TPPP3: variants seen among roughly 807,000 people sequenced by gnomAD.
TPPP3 encodes the protein tubulin polymerization promoting protein family member 3, also known as tubulin polymerization-promoting protein family member 3.
TPPP3 carries 7 observed loss-of-function variants against 13.1 expected under a neutral mutation model. The observed-to-expected ratio is 0.54, with a 90% CI of 0.30 to 1.01. The LOEUF (loss-of-function observed/expected upper bound fraction) is 1.01, where lower values mean the gene tolerates loss of function less well. Ranked by LOEUF, TPPP3 falls within the 50% of genes least tolerant of loss-of-function variation. TPPP3 has a pLI of 0.06. For missense variants in TPPP3, 185 were observed against 235.0 expected (o/e 0.79, Z 1.39); for synonymous variants, 87 against 93.7 (o/e 0.93, Z 0.41).
Position 67,389,953 on chromosome 16 carries a change from C to A in TPPP3, c.*221G>T. The A allele has an allele frequency of 1.7e-6, 1 of 581,092 alleles. No individual in the cohort carries two copies. The highest frequency in any genetic ancestry group is 3.0e-5 in the Admixed American group (1 of 33,316). The allele number at this position is 581,092 out of a possible 1,614,324, so 36.0% of individuals were successfully genotyped here. A position where few individuals can be genotyped will look rare whatever the true frequency, so the allele number is the denominator to read the frequency against. ...ATGAGGCTACAGGCACAGACTGTCC[C>A]CAGGTGGACAGAAGTTGGAGCAGGA... On this transcript the variant is annotated 3_prime_UTR_variant, in exon 4 of 4. Coordinates refer to ENST00000393957, the MANE Select transcript of TPPP3 (RefSeq NM_015964.4).
chr16:67,390,997 A>G lies in TPPP3; in HGVS notation c.115T>C (p.Cys39Arg). The G allele has an allele frequency of 6.2e-7, 1 of 1,614,236 alleles. No individual in the cohort carries two copies. The highest frequency in any genetic ancestry group is 2.2e-5 in the East Asian group (1 of 44,888). ...EMNGKNWAKL[C>R]KDCKVADGKS... ...CCGTCAGCCACCTTGCAGTCCTTGC[A>G]CAGCTTGGCCCAGTTCTTGCCATTC... The change falls in exon 2 of 4, where the codon TGC (cysteine) becomes CGC (arginine). Residue 39 changes from cysteine to arginine, a missense_variant. Cys to Arg is a radical substitution (Grantham distance 180, BLOSUM62 -3). Coordinates refer to ENST00000393957, the MANE Select transcript of TPPP3 (RefSeq NM_015964.4). This position sits in a 1 kb window ranked among gnomAD's most constrained non-coding sequence, Gnocchi z 6.4.
At position 67,393,043 on chromosome 16, in the gene TPPP3, C is replaced by T. The variant is rs183126293; in HGVS notation, c.-7+337G>A. Reference sequence around the variant, plus strand: ...CCTGCGTGCAGTGCTCACTCCTGTCCGTGGAAAGATGGATTCTTGGTCATC... The same window carrying T: ...CCTGCGTGCAGTGCTCACTCCTGTCTGTGGAAAGATGGATTCTTGGTCATC... On this transcript the variant is annotated intron_variant, in intron 1 of 3. Transcript: ENST00000393957. This position sits in a 1 kb window ranked among gnomAD's most constrained non-coding sequence, Gnocchi z 5.4. The T allele has an allele frequency of 3.0e-6, 3 of 985,314 alleles. No individual in the cohort carries two copies. The highest frequency in any genetic ancestry group is 1.1e-4 in the East Asian group (1 of 8,804). 61.0% of individuals were successfully genotyped at this position (985,314 alleles called of 1,614,324 possible). A position where few individuals can be genotyped will look rare whatever the true frequency, so the allele number is the denominator to read the frequency against.
In TPPP3 at chr16:67,390,692, C is replaced by T. The variant is rs1012625017; in HGVS notation, c.189-60G>A. On this transcript the variant is annotated intron_variant, in intron 2 of 3. Coordinates refer to ENST00000393957, the MANE Select transcript of TPPP3 (RefSeq NM_015964.4). This position sits in a 1 kb window ranked among gnomAD's most constrained non-coding sequence, Gnocchi z 6.4. ...TTCTTTTTTCTCCCCCAGGGGAAAG[C>T]TCAAACACATTTGCTGCCACCACAA... is the stretch of plus-strand genomic sequence containing the variant. 6.4e-6 allele frequency: 10 copies of T among 1,556,618 alleles called. No homozygotes were observed. The highest frequency in any genetic ancestry group is 8.6e-6 in the Non-Finnish European group (10 of 1,157,330).
Position 67,393,101 on chromosome 16 carries a change from C to T in TPPP3, c.-7+279G>A. The stretch of plus-strand genomic sequence containing the variant: ...GGTCAGGTGGCGCTGGGTTGCAGGC[C>T]GCAGCCCCATGGGTCTGCAGGCCAT... On this transcript the variant is annotated intron_variant, in intron 1 of 3. Transcript: ENST00000393957. The surrounding 1 kb of genome is among the most constrained non-coding windows in gnomAD (Gnocchi z 5.4). 1.1e-6 allele frequency: 1 copy of T among 912,690 alleles called. No homozygotes were observed. The highest frequency in any genetic ancestry group is 1.8e-5 in the African/African-American group (1 of 55,926). The allele number at this position is 912,690 out of a possible 1,614,324, so 56.5% of individuals were successfully genotyped here.
chr16:67,391,213 TGGGCA>T lies in TPPP3; in HGVS notation c.-6-101_-6-97del. 1.6e-6 allele frequency: 2 copies of T among 1,288,690 alleles called. No homozygotes were observed. The highest frequency in any genetic ancestry group is 2.4e-5 in the East Asian group (1 of 42,074). The allele number at this position is 1,288,690 out of a possible 1,614,324, so 79.8% of individuals were successfully genotyped here. Reference sequence around the variant, plus strand: ...GCCTCTACCTCAAACCTGCAAGACCTGGGCAGGTTCTGCTACAGAGTTGGTGCTGG... The same window carrying T: ...GCCTCTACCTCAAACCTGCAAGACCTGGTTCTGCTACAGAGTTGGTGCTGG... On this transcript the variant is annotated intron_variant, in intron 1 of 3. Transcript: ENST00000393957. This position sits in a 1 kb window ranked among gnomAD's most constrained non-coding sequence, Gnocchi z 6.3.
Position 67,391,136 on chromosome 16 carries a change from G to C in TPPP3, c.-6-19C>G. The C allele has an allele frequency of 6.2e-7, 1 of 1,610,526 alleles. No individual in the cohort carries two copies. The highest frequency in any genetic ancestry group is 2.2e-5 in the East Asian group (1 of 44,820). On this transcript the variant is annotated intron_variant, in intron 1 of 3. Coordinates refer to ENST00000393957, the MANE Select transcript of TPPP3 (RefSeq NM_015964.4). The surrounding 1 kb of genome is among the most constrained non-coding windows in gnomAD (Gnocchi z 6.3). ...TGCCACCCTATAGAGACCCACCTGG[G>C]TCATCTCCCAGCCAATCTGCCCTTC... is the stretch of plus-strand genomic sequence containing the variant.
Position 67,390,751 on chromosome 16 carries a change from G to T in TPPP3, c.189-119C>A. The T allele has an allele frequency of 6.7e-7, 1 of 1,483,698 alleles. No individual in the cohort carries two copies. The allele number at this position is 1,483,698 out of a possible 1,614,324, so 91.9% of individuals were successfully genotyped here. ...ATTGCGTTTCTTTCCCACGTTTGGG[G>T]AAGTCGCAGGGGTCAGCAACTCTGG... On this transcript the variant is annotated intron_variant, in intron 2 of 3. Coordinates refer to ENST00000393957, the MANE Select transcript of TPPP3 (RefSeq NM_015964.4). The surrounding 1 kb of genome is among the most constrained non-coding windows in gnomAD (Gnocchi z 6.4).
rs1368617690 is a variant in TPPP3 at position 67,390,867 on chromosome 16, GC to G, written c.188+56del. 1.4e-5 allele frequency: 22 copies of G among 1,565,650 alleles called. No homozygotes were observed. The highest frequency in any genetic ancestry group is 1.8e-5 in the Admixed American group (1 of 55,820). ...CTTCTTGATGTCCTCCCTGGTTCCA[GC>G]CCCCCAGTTCCCCACCTCCTGGGAA... On this transcript the variant is annotated intron_variant, in intron 2 of 3. Transcript: ENST00000393957. The surrounding 1 kb of genome is among the most constrained non-coding windows in gnomAD (Gnocchi z 6.4).
chr16:67,393,221 T>C lies in TPPP3; in HGVS notation c.-7+159A>G, dbSNP rs910928621. On this transcript the variant is annotated intron_variant, in intron 1 of 3. Transcript: ENST00000393957. The surrounding 1 kb of genome is among the most constrained non-coding windows in gnomAD (Gnocchi z 5.4). ...ATCAGCCGGACCAGGAGGTGGGGGC[T>C]GCGAGGTGGAATGCTTGGGGCCAGG... 4 of 718,554 alleles carry C rather than the reference T, an allele frequency of 5.6e-6. No homozygotes were observed. The highest frequency in any genetic ancestry group is 3.9e-5 in the African/African-American group (2 of 51,878). 44.5% of individuals were successfully genotyped at this position (718,554 alleles called of 1,614,324 possible).
At position 67,392,692 on chromosome 16, in the gene TPPP3, G is replaced by A. The variant is rs543534291; in HGVS notation, c.-7+688C>T. Among the ~76,000 whole-genome samples, 26 of 152,056 alleles carry A rather than the reference G, an allele frequency of 1.7e-4. No homozygotes were observed. The highest frequency in any genetic ancestry group is 3.7e-4 in the Non-Finnish European group (25 of 68,006). ...ACTGCCACCTCCTGACCACACCCTC[G>A]GTCTCAGCAACCATCTTCTAGCTCT... On this transcript the variant is annotated intron_variant, in intron 1 of 3. Coordinates refer to ENST00000393957, the MANE Select transcript of TPPP3 (RefSeq NM_015964.4). This position sits in a 1 kb window ranked among gnomAD's most constrained non-coding sequence, Gnocchi z 4.9.
Position 67,392,759 on chromosome 16 carries a change from T to C in TPPP3, c.-7+621A>G, listed in dbSNP as rs965781635. Among the ~76,000 whole-genome samples, 4 of 152,290 alleles carry C rather than the reference T, an allele frequency of 2.6e-5. No homozygotes were observed. The highest frequency in any genetic ancestry group is 9.6e-5 in the African/African-American group (4 of 41,554). ...CTTCCAGTGACCACGGCCTGGGCTC[T>C]GCCCGGCTGCCCCATCTTCCACCAA... is the stretch of plus-strand genomic sequence containing the variant. On this transcript the variant is annotated intron_variant, in intron 1 of 3. Transcript: ENST00000393957. The surrounding 1 kb of genome is among the most constrained non-coding windows in gnomAD (Gnocchi z 4.9).
chr16:67,389,910 T>C lies in TPPP3; in HGVS notation c.*264A>G, dbSNP rs1367355115. The stretch of plus-strand genomic sequence containing the variant: ...CAAGCAGTCAGGGGTTAGCCATGCC[T>C]GGGGCTGGGTTGGGGTCATGAGGCT... On this transcript the variant is annotated 3_prime_UTR_variant, in exon 4 of 4. Transcript: ENST00000393957. 6.3e-6 allele frequency: 3 copies of C among 478,648 alleles called. No homozygotes were observed. The highest frequency in any genetic ancestry group is 3.7e-5 in the South Asian group (1 of 26,958). The allele number at this position is 478,648 out of a possible 1,614,324, so 29.7% of individuals were successfully genotyped here.
chr16:67,390,120 G>T lies in TPPP3; in HGVS notation c.*54C>A. On this transcript the variant is annotated 3_prime_UTR_variant, in exon 4 of 4. Coordinates refer to ENST00000393957, the MANE Select transcript of TPPP3 (RefSeq NM_015964.4). The surrounding 1 kb of genome is among the most constrained non-coding windows in gnomAD (Gnocchi z 6.4). Reference sequence around the variant, plus strand: ...TTGCTCCACGTGCCCCTTAGACCCAGGCCTGAGCCTCTGGCAGGGGCAGCC... The same window carrying T: ...TTGCTCCACGTGCCCCTTAGACCCATGCCTGAGCCTCTGGCAGGGGCAGCC... 6.3e-7 allele frequency: 1 copy of T among 1,578,752 alleles called. No homozygotes were observed. The highest frequency in any genetic ancestry group is 8.7e-7 in the Non-Finnish European group (1 of 1,155,780).
chr16:67,390,327 C>T lies in TPPP3; in HGVS notation c.378G>A (p.Thr126=), dbSNP rs766797317. 2.0e-5 allele frequency: 32 copies of T among 1,614,052 alleles called. No individual in the cohort carries two copies. Among genetic ancestry groups the T allele is most frequent in the African/African-American group, 1.7e-4 (13 of 74,916 alleles). ...GGGAGCCCGTGTATCTGCTGGTGTC[C>T]GTCAGCCGGTCTACAGCACCCCCTG... The part of the protein sequence containing the change: ...AKTGGAVDRL[T]DTSRYTGSHK... Residue 126 remains threonine, a synonymous_variant, in exon 4 of 4, where the codon ACG becomes ACA. Transcript: ENST00000393957. This position sits in a 1 kb window ranked among gnomAD's most constrained non-coding sequence, Gnocchi z 6.4.
Position 67,390,485 on chromosome 16 carries a change from G to GC in TPPP3, c.335dup (p.Val113ArgfsTer3). 1 of 1,613,428 alleles carries GC rather than the reference G, an allele frequency of 6.2e-7. No individual in the cohort carries two copies. Among genetic ancestry groups the GC allele is most frequent in the Non-Finnish European group, 8.5e-7 (1 of 1,179,826 alleles). On this transcript the variant is annotated frameshift_variant, in exon 3 of 4. Transcript: ENST00000393957. LOFTEE classifies it high-confidence loss of function. This position sits in a 1 kb window ranked among gnomAD's most constrained non-coding sequence, Gnocchi z 6.4. ...AGACCAGCAGGGCACTTACAGTGAC[G>GC]CCCACATTGGCTGGCTCTTTGCCTG...
chr16:67,390,166 C>T lies in TPPP3; in HGVS notation c.*8G>A, dbSNP rs1326946392. 6.2e-7 allele frequency: 1 copy of T among 1,613,130 alleles called. No homozygotes were observed. Among genetic ancestry groups the T allele is most frequent in the Admixed American group, 1.7e-5 (1 of 59,976 alleles). On this transcript the variant is annotated 3_prime_UTR_variant, in exon 4 of 4. Coordinates refer to ENST00000393957, the MANE Select transcript of TPPP3 (RefSeq NM_015964.4). The surrounding 1 kb of genome is among the most constrained non-coding windows in gnomAD (Gnocchi z 6.4). ...CAGCCGCACTTGGCAGGGCGGTCTT[C>T]CCAAGCCTCACTTCTTCACCTTGGC...
In TPPP3 at chr16:67,390,896, T is replaced by A. The variant is rs1250702852; in HGVS notation, c.188+28A>T. ...CCCAGTTCCCCACCTCCTGGGAACATGAGAAGCAGGGGCTGCTTAGGGCTC... is the reference window on the plus strand; with the variant it reads ...CCCAGTTCCCCACCTCCTGGGAACAAGAGAAGCAGGGGCTGCTTAGGGCTC... On this transcript the variant is annotated intron_variant, in intron 2 of 3. Transcript: ENST00000393957. The surrounding 1 kb of genome is among the most constrained non-coding windows in gnomAD (Gnocchi z 6.4). The A allele has an allele frequency of 6.2e-7, 1 of 1,604,078 alleles. No individual in the cohort carries two copies. The highest frequency in any genetic ancestry group is 8.5e-7 in the Non-Finnish European group (1 of 1,172,714).
In TPPP3 at chr16:67,390,710, C is replaced by A; in HGVS notation, c.189-78G>T. The A allele has an allele frequency of 6.5e-7, 1 of 1,536,772 alleles. No homozygotes were observed. Among genetic ancestry groups the A allele is most frequent in the South Asian group, 1.2e-5 (1 of 80,006 alleles). ...GGGAAAGCTCAAACACATTTGCTGC[C>A]ACCACAAATTATGCAATTGCGTTTC... On this transcript the variant is annotated intron_variant, in intron 2 of 3. Transcript: ENST00000393957. This position sits in a 1 kb window ranked among gnomAD's most constrained non-coding sequence, Gnocchi z 6.4.
chr16:67,393,472 G>C lies in TPPP3; in HGVS notation c.-99C>G. 2 of 985,588 alleles carry C rather than the reference G, an allele frequency of 2.0e-6. No homozygotes were observed. Among genetic ancestry groups the C allele is most frequent in the Non-Finnish European group, 2.4e-6 (2 of 830,070 alleles). The allele number at this position is 985,588 out of a possible 1,614,324, so 61.1% of individuals were successfully genotyped here. ...GGAGACCAGGCGGCTCCGCAGCTCC[G>C]CTCCCTGCCGGCTCCCGGGTGGGAC... is the stretch of plus-strand genomic sequence containing the variant. On this transcript the variant is annotated 5_prime_UTR_variant, in exon 1 of 4. Transcript: ENST00000393957. This position sits in a 1 kb window ranked among gnomAD's most constrained non-coding sequence, Gnocchi z 5.4.
Sources: gnomAD v4.1 joint callset for allele counts (sites outside exome capture counted in the v4.1 genomes callset) on GRCh38, gnomAD v4.1.1 for gene constraint, Gnocchi (gnomAD v3.1) non-coding constraint, MANE v1.5 for transcripts, NCBI Gene and HGNC (gene_info 2026-07-23, HGNC 2026-07-21) for gene names.